The following DLG2 variants were observed in gnomAD, a reference collection of about 807,000 sequenced individuals.
The protein encoded by DLG2 is discs large MAGUK scaffold protein 2, also known as disks large homolog 2.
Under a neutral mutation model 132.5 loss-of-function variants are expected in DLG2, and 45 were observed. The observed-to-expected ratio is 0.34, with a 90% confidence interval of 0.27 to 0.44. DLG2 has a LOEUF of 0.44. Among genes scored for constraint, DLG2 ranks in the 20% least tolerant of loss-of-function variants. The pLI, the probability that DLG2 is intolerant of heterozygous loss-of-function variation, is 1.00. For synonymous variants in DLG2, 424 were observed against 419.6 expected, an observed-to-expected ratio of 1.01 and a Z score of -0.13; for missense variants, 1,045 against 1,196.9, an observed-to-expected ratio of 0.87 and a Z score of 1.87.
intron 3 of DLG2, among the ~76,000 whole-genome samples, chr11:85,308,810 A>G (rs1012372051): frequency 1.3e-5 from 2 of 152,168 alleles, no homozygotes; most frequent in Non-Finnish European, 2.9e-5. Context: ...CATTTATTTA[A>G]TATTCCTTAT....
chr11:85,109,929 A>C (rs747911077), intron 6 of DLG2, among the ~76,000 whole-genome samples: 16 of 152,132 alleles, frequency 1.1e-4, no homozygotes, highest in Non-Finnish European at 8.8e-5. Flanking sequence ...CTTTACCAAG[A>C]AATCTGAGAG....
At chr11:84,113,906 A>T (rs1306416726) in intron 9 of DLG2, among the ~76,000 whole-genome samples, 1 of 152,134 alleles carries the variant, frequency 6.6e-6, no homozygotes, top group Non-Finnish European at 1.5e-5. Flanking sequence ...GAATATCCAC[A>T]GTTATCTGAA....
At chr11:84,798,952 C>T (rs550611000) in intron 6 of DLG2, among the ~76,000 whole-genome samples, 8 of 152,198 alleles carry the variant, frequency 5.3e-5, no homozygotes, top group South Asian at 4.2e-4. Context: ...TGCAAGACAA[C>T]GTCCTCTTTA....
In DLG2 at chr11:85,372,529, G is replaced by A. The variant is rs892664086; in HGVS notation, c.41-87164C>T. ...AAGGGATCCAGAAGCAAATGATAAT[G>A]AAGGTTAAAACACACAGTGCAGGTG... On this transcript the variant is annotated intron_variant, in intron 3 of 27. Coordinates refer to ENST00000376104, the MANE Select transcript of DLG2 (RefSeq NM_001142699.3). Among the ~76,000 whole-genome samples the A allele has an allele frequency of 3.3e-5, 5 of 152,348 alleles. 1 individual carries two copies. In the South Asian group the frequency reaches 1.0e-3, roughly 32 times the overall value.
chr11:84,703,886 A>ATG (rs2059492984), intron 6 of DLG2, among the ~76,000 whole-genome samples: 2 of 114,200 alleles, frequency 1.8e-5, no homozygotes, highest in African/African-American at 9.2e-5. Context: ...ATATATATAC[A>ATG]CGTGTGTGTG....
At chr11:85,269,274 G>A (rs2077388023) in intron 4 of DLG2, among the ~76,000 whole-genome samples, 1 of 152,172 alleles carries the variant, frequency 6.6e-6, no homozygotes, top group Non-Finnish European at 1.5e-5. Flanking sequence ...TGTCTGGCTT[G>A]GATCTTGGCC....
intron 4 of DLG2, among the ~76,000 whole-genome samples, chr11:85,205,146 G>GTATATATATATATATATA (rs376041155): frequency 2.0e-4 from 28 of 141,680 alleles, no homozygotes; most frequent in Non-Finnish European, 3.4e-4. Flanking sequence ...ATATGTGTGT[G>GTATATATATATATATATA]TATATATATA....
At chr11:84,095,715 T>C (rs1595132412) in intron 10 of DLG2, among the ~76,000 whole-genome samples, 1 of 152,222 alleles carries the variant, frequency 6.6e-6, no homozygotes, top group Admixed American at 6.5e-5. Context: ...AATCCCACTC[T>C]ATAAAATGTA....
At chr11:85,346,502 C>T (rs540521949) in intron 3 of DLG2, among the ~76,000 whole-genome samples, 1 of 152,174 alleles carries the variant, frequency 6.6e-6, no homozygotes, top group African/African-American at 2.4e-5. Flanking sequence ...TTCTTAATTA[C>T]TATATTTTGC....
At chr11:84,383,378 T>C (rs912917729) in intron 7 of DLG2, among the ~76,000 whole-genome samples, 1 of 152,006 alleles carries the variant, frequency 6.6e-6, no homozygotes, top group Non-Finnish European at 1.5e-5. Context: ...CCTAGTACCT[T>C]CTCCTTGAGT....
intron 3 of DLG2, among the ~76,000 whole-genome samples, chr11:85,309,300 T>C (rs2080165397): frequency 6.6e-6 from 1 of 151,964 alleles, no homozygotes; most frequent in Admixed American, 6.6e-5. Flanking sequence ...GATCCATGAG[T>C]ATAAAAGATT....
intron 3 of DLG2, among the ~76,000 whole-genome samples, chr11:85,366,046 T>G (rs891169064): frequency 6.6e-6 from 1 of 152,172 alleles, no homozygotes; most frequent in African/African-American, 2.4e-5. Context: ...CTGCATGTTC[T>G]GCACATGTAT....
intron 6 of DLG2, among the ~76,000 whole-genome samples, chr11:85,064,770 T>C (rs974429391): frequency 1.3e-5 from 2 of 151,448 alleles, no homozygotes; most frequent in Non-Finnish European, 3.0e-5. Context: ...ATGGGTCTTA[T>C]CCAATTAATT....
chr11:84,870,216 C>T (rs987767883), intron 6 of DLG2, among the ~76,000 whole-genome samples: 1 of 151,942 alleles, frequency 6.6e-6, no homozygotes, highest in African/African-American at 2.4e-5. Flanking sequence ...ATTACATCAC[C>T]CAAAGAGAAT....
rs551246868 is a variant in DLG2, at chr11:83,908,775, C to T, written c.1496+21553G>A. Reference sequence around the variant, plus strand: ...TTAAGGGACAGGGTCTTACTGTCACCGAGGTTGTAGCAGAGTGGTGCAATC... The same window carrying T: ...TTAAGGGACAGGGTCTTACTGTCACTGAGGTTGTAGCAGAGTGGTGCAATC... On this transcript the variant is annotated intron_variant, in intron 15 of 27. Coordinates refer to ENST00000376104, the MANE Select transcript of DLG2 (RefSeq NM_001142699.3). Among the ~76,000 whole-genome samples, 32 of 152,120 alleles carry T rather than the reference C, an allele frequency of 2.1e-4. No homozygotes were observed. In the South Asian group the frequency reaches 3.1e-3, roughly 15 times the overall value.
chr11:84,637,803 T>A (rs1219213913), intron 6 of DLG2, among the ~76,000 whole-genome samples: 2 of 152,214 alleles, frequency 1.3e-5, no homozygotes, highest in African/African-American at 2.4e-5. Context: ...TACAGTGCGA[T>A]GCAGTCTCTT....
intron 4 of DLG2, among the ~76,000 whole-genome samples, chr11:85,194,173 T>C (rs1375004281): frequency 1.3e-5 from 2 of 152,200 alleles, no homozygotes; most frequent in Non-Finnish European, 2.9e-5. Context: ...CCAACTGCAT[T>C]TGGAGTCTGT....
chr11:83,551,578 CTGAG>C (rs2096391934), intron 19 of DLG2, among the ~76,000 whole-genome samples: 1 of 152,116 alleles, frequency 6.6e-6, no homozygotes, highest in Non-Finnish European at 1.5e-5. Context: ...TGCCCCAATA[CTGAG>C]TTTGTTACTT....
chr11:83,578,229 A>G (rs1307845223), intron 19 of DLG2, among the ~76,000 whole-genome samples: 1 of 151,598 alleles, frequency 6.6e-6, no homozygotes, highest in African/African-American at 2.4e-5. Context: ...CATGTACACT[A>G]CAAACCCTAA....
Sources: allele counts gnomAD v4.1 joint callset (sites outside exome capture counted in the v4.1 genomes callset), GRCh38; gene constraint gnomAD v4.1.1; transcripts MANE v1.5; gene names NCBI Gene and HGNC (gene_info 2026-07-23, HGNC 2026-07-21).